C1orf21: variants seen among roughly 807,000 people sequenced by gnomAD.
C1orf21 encodes the protein uncharacterized protein C1orf21.
In C1orf21, 3 loss-of-function variants were observed where a neutral mutation model predicts 18.7. That is an observed-to-expected ratio of 0.16 (90% CI 0.07 to 0.42). The LOEUF is 0.42. Ranked by LOEUF, C1orf21 falls within the 10% of genes least tolerant of loss-of-function variation. The pLI is 0.99. For synonymous variants in C1orf21, 41 were observed against 46.4 expected, an observed-to-expected ratio of 0.88 and a Z score of 0.47; for missense variants, 104 against 143.6, an observed-to-expected ratio of 0.72 and a Z score of 1.41.
intron 1 of C1orf21, among the ~76,000 whole-genome samples, chr1:184,445,631 T>A (rs903124264): frequency 1.2e-4 from 18 of 151,966 alleles, no homozygotes; most frequent in African/African-American, 4.1e-4. Context: ...GAAAAAAAAA[T>A]TTGTTCTTTT....
intron 1 of C1orf21, among the ~76,000 whole-genome samples, chr1:184,435,100 G>C (rs900547275): frequency 2.6e-5 from 4 of 152,130 alleles, no homozygotes; most frequent in African/African-American, 9.7e-5. Flanking sequence ...AGGGTATAGA[G>C]CATTACTGGT....
chr1:184,442,624 C>G (rs1165910942), intron 1 of C1orf21, among the ~76,000 whole-genome samples: 1 of 152,040 alleles, frequency 6.6e-6, no homozygotes, highest in African/African-American at 2.4e-5. Flanking sequence ...ATCTTATGAT[C>G]TGAGTGATTG....
At chr1:184,603,487 C>T (rs1306693093) in intron 5 of C1orf21, among the ~76,000 whole-genome samples, 1 of 152,208 alleles carries the variant, frequency 6.6e-6, no homozygotes, top group Non-Finnish European at 1.5e-5. Flanking sequence ...GGACTTAAAT[C>T]AGCTGATTTT....
rs904768664 is a variant in C1orf21, at chr1:184,626,757, T to C, written c.*7201T>C. 2.6e-5 allele frequency: 4 copies of C among 152,406 alleles called. No individual in the cohort carries two copies. Among genetic ancestry groups the C allele is most frequent in the African/African-American group, 9.7e-5 (4 of 41,430 alleles). The allele number at this position is 152,406 out of a possible 1,614,324, so 9.4% of individuals were successfully genotyped here. A position where few individuals can be genotyped will look rare whatever the true frequency, so the allele number is the denominator to read the frequency against. On this transcript the variant is annotated 3_prime_UTR_variant, in exon 6 of 6. Transcript: ENST00000235307. The stretch of plus-strand genomic sequence containing the variant: ...ACTCCTCTTCCTCTGCCAAAAGCTA[T>C]TTGAATTCAAGGACTTTAACCTGGG...
Position 184,400,834 on chromosome 1 carries a change from A to C in C1orf21, c.-125+13466A>C, listed in dbSNP as rs534320964. Among the ~76,000 whole-genome samples the C allele has an allele frequency of 3.9e-5, 6 of 152,332 alleles. No homozygotes were observed. In the South Asian group the frequency reaches 1.2e-3, roughly 32 times the overall value. ...AATATTTACATTCATATTCTTGCTGATTTATCTTTAAAATAGATTCCTAGA... is the reference window on the plus strand; with the variant it reads ...AATATTTACATTCATATTCTTGCTGCTTTATCTTTAAAATAGATTCCTAGA... On this transcript the variant is annotated intron_variant, in intron 1 of 5. Transcript: ENST00000235307.
intron 2 of C1orf21, among the ~76,000 whole-genome samples, chr1:184,494,543 A>G (rs1657862254): frequency 1.3e-5 from 2 of 151,954 alleles, no homozygotes; most frequent in African/African-American, 4.8e-5. Context: ...AGATAATGAG[A>G]TATGGGCGGG....
At chr1:184,472,014 G>A (rs1466269049) in intron 1 of C1orf21, among the ~76,000 whole-genome samples, 4 of 152,056 alleles carry the variant, frequency 2.6e-5, no homozygotes, top group East Asian at 1.9e-4. Flanking sequence ...GGATACCAAA[G>A]CTTCAAGATT....
intron 1 of C1orf21, among the ~76,000 whole-genome samples, chr1:184,439,752 A>T (rs926836959): frequency 2.6e-5 from 4 of 152,124 alleles, no homozygotes; most frequent in African/African-American, 9.7e-5. Flanking sequence ...GGAGTTCAAG[A>T]CCACCCTGGG....
intron 2 of C1orf21, among the ~76,000 whole-genome samples, chr1:184,500,742 A>G (rs923726656): frequency 6.6e-6 from 1 of 152,216 alleles, no homozygotes; most frequent in Non-Finnish European, 1.5e-5. Context: ...AGCTGGGATC[A>G]TGATTCAGTG....
At chr1:184,558,347 T>C (rs1658908172) in intron 3 of C1orf21, among the ~76,000 whole-genome samples, 1 of 152,260 alleles carries the variant, frequency 6.6e-6, no homozygotes, top group South Asian at 2.1e-4. Flanking sequence ...TAATGACTGC[T>C]AATGCTTTCA....
intron 1 of C1orf21, among the ~76,000 whole-genome samples, chr1:184,398,651 ACCTAGGCTATAGGATATAGCCTATTGCT>A (rs1344218847): frequency 6.6e-6 from 1 of 152,220 alleles, no homozygotes; most frequent in African/African-American, 2.4e-5. Context: ...CTTGCTGCAC[ACCTAGGCTATAGGATATAGCCTATTGCT>A]CCTAGGCTAT....
chr1:184,422,116 G>T (rs937627521), intron 1 of C1orf21, among the ~76,000 whole-genome samples: 14 of 152,180 alleles, frequency 9.2e-5, no homozygotes, highest in African/African-American at 3.4e-4. Flanking sequence ...ATTTCAGTGG[G>T]TCAAGATGGC....
chr1:184,614,772 G>A (rs1275119951), intron 5 of C1orf21, among the ~76,000 whole-genome samples: 1 of 152,164 alleles, frequency 6.6e-6, no homozygotes, highest in Non-Finnish European at 1.5e-5. Context: ...TTCTCATAAG[G>A]AGCACACAAC....
At chr1:184,596,242 A>G (rs1659511499) in intron 4 of C1orf21, among the ~76,000 whole-genome samples, 1 of 152,182 alleles carries the variant, frequency 6.6e-6, no homozygotes, top group South Asian at 2.1e-4. Flanking sequence ...ACAATCATAG[A>G]CAGTAGAAGG....
intron 3 of C1orf21, among the ~76,000 whole-genome samples, chr1:184,574,555 A>C (rs967253493): frequency 2.6e-5 from 4 of 152,196 alleles, no homozygotes; most frequent in African/African-American, 9.6e-5. Context: ...TATATGATTC[A>C]TTAAAGCTCC....
At chr1:184,559,616 T>TTCCTTCCTTCCTCTCTCTTTTTTC (rs1558002770) in intron 3 of C1orf21, among the ~76,000 whole-genome samples, 1 of 127,658 alleles carries the variant, frequency 7.8e-6, no homozygotes, top group Admixed American at 8.0e-5. Context: ...CCTTCCTCCC[T>TTCCTTCCTTCCTCTCTCTTTTTTC]CCCTCCCTCC....
chr1:184,532,077 C>A (rs567773605), intron 3 of C1orf21, among the ~76,000 whole-genome samples: 1 of 151,698 alleles, frequency 6.6e-6, no homozygotes, highest in Admixed American at 6.6e-5. Flanking sequence ...GAAGCTCTCC[C>A]TTTCTATTCT....
intron 1 of C1orf21, among the ~76,000 whole-genome samples, chr1:184,422,822 TG>T (rs1459349725): frequency 6.6e-6 from 1 of 152,252 alleles, no homozygotes; most frequent in African/African-American, 2.4e-5. Flanking sequence ...GAAAGCTTCT[TG>T]AGGTCACTCT....
rs1336286249 is a variant in C1orf21 at position 184,621,091 on chromosome 1, T to G, written c.*1535T>G. 2.6e-5 allele frequency: 4 copies of G among 152,484 alleles called. No individual in the cohort carries two copies. The allele number at this position is 152,484 out of a possible 1,614,324, so 9.4% of individuals were successfully genotyped here. On this transcript the variant is annotated 3_prime_UTR_variant, in exon 6 of 6. Coordinates refer to ENST00000235307, the MANE Select transcript of C1orf21 (RefSeq NM_030806.4). The stretch of plus-strand genomic sequence containing the variant: ...CTGCAGAAGGTGGAGAGTTAAGATG[T>G]TCTATGTCAATTTGCTCTTGCCGAA...
Sources: allele counts gnomAD v4.1 joint callset (sites outside exome capture counted in the v4.1 genomes callset), GRCh38; gene constraint gnomAD v4.1.1; transcripts MANE v1.5; gene names NCBI Gene and HGNC (gene_info 2026-07-23, HGNC 2026-07-21).